HERC3: variants seen among roughly 807,000 people sequenced by gnomAD.
HERC3 encodes the protein probable E3 ubiquitin-protein ligase HERC3.
In HERC3, 58 loss-of-function variants were observed where a neutral mutation model predicts 129.9. The observed-to-expected ratio is 0.45, with a 90% CI of 0.36 to 0.56. The LOEUF (loss-of-function observed/expected upper bound fraction) is 0.56. Among genes scored for constraint, HERC3 ranks in the 20% least tolerant of loss-of-function variants. The probability of loss-of-function intolerance (pLI) is 0.00; values close to 1 mark genes in which losing one functional copy is unlikely to be tolerated. For missense variants in HERC3, 835 were observed against 1,244.2 expected, an observed-to-expected ratio of 0.67 and a Z score of 4.95; for synonymous variants, 430 against 451.0, an observed-to-expected ratio of 0.95 and a Z score of 0.59.
upstream of HERC3, among the ~76,000 whole-genome samples, chr4:88,591,274 A>ATTCTGCT: frequency 6.6e-6 from 1 of 152,186 alleles, no homozygotes; most frequent in African/African-American, 2.4e-5. Flanking sequence ...GATAACTTAG[A>ATTCTGCT]TTCTGCTTTT....
At chr4:88,681,014 G>C in intron 20 of HERC3, 145 bp from the exon 21 acceptor site, 3 of 1,427,696 alleles carry the variant, frequency 2.1e-6, no homozygotes, top group East Asian at 2.5e-5. Flanking sequence ...CTTTTGTCAG[G>C]GTGTTTCTTT....
At chr4:88,545,418 CTTTTGAG>C in the HERC3 span, among the ~76,000 whole-genome samples, 29 of 136,418 alleles carry the variant, frequency 2.1e-4, no homozygotes, top group African/African-American at 8.2e-4. Flanking sequence ...GAAATCTTTC[CTTTTGAG>C]AATTCTTTTT....
chr4:88,667,504 T>G lies in HERC3; in HGVS notation c.1443+16T>G. ...TCTAGAACAGGTATGTTTCTATATT[T>G]GTAAAGTGCATTCTTAAAAATGCAT... On this transcript the variant is annotated intron_variant, in intron 13 of 25. Transcript: ENST00000402738. 3 of 1,364,886 alleles carry G rather than the reference T, an allele frequency of 2.2e-6. No individual in the cohort carries two copies. The highest frequency in any genetic ancestry group is 2.0e-6 in the Non-Finnish European group (2 of 979,134). 84.5% of individuals were successfully genotyped at this position (1,364,886 alleles called of 1,614,324 possible).
At chr4:88,689,035 C>T (rs1234893148) in intron 23 of HERC3, among the ~76,000 whole-genome samples, 4 of 152,116 alleles carry the variant, frequency 2.6e-5, no homozygotes, top group African/African-American at 9.7e-5. Flanking sequence ...AAAAAAGATA[C>T]AGATGTGGAG....
chr4:88,586,289 T>C, the HERC3 span, among the ~76,000 whole-genome samples: 2 of 152,154 alleles, frequency 1.3e-5, no homozygotes, highest in African/African-American at 4.8e-5. Context: ...AGATGTTCAA[T>C]ATATGCTGTT....
chr4:88,573,702 TAA>T, the HERC3 span, among the ~76,000 whole-genome samples: 1 of 151,362 alleles, frequency 6.6e-6, no homozygotes, highest in Admixed American at 6.6e-5. Context: ...GCAGAAAGAG[TAA>T]AAAGAAAGAT....
intron 2 of HERC3, among the ~76,000 whole-genome samples, chr4:88,603,725 G>A (rs999404880): frequency 1.2e-4 from 19 of 152,278 alleles, no homozygotes; most frequent in Non-Finnish European, 2.5e-4. Context: ...TTTCATTTCT[G>A]ATCAAAGCAT....
intron 19 of HERC3, among the ~76,000 whole-genome samples, chr4:88,679,341 CA>C (rs1446336096): frequency 1.3e-5 from 2 of 152,050 alleles, no homozygotes; most frequent in African/African-American, 4.8e-5. Context: ...GCAGTTACTT[CA>C]AGAACCCTAT....
At chr4:88,527,698 A>G in the HERC3 span, 36 of 295,872 alleles carry the variant, frequency 1.2e-4, 1 homozygote, top group South Asian at 1.3e-3. Context: ...CTCCATTATC[A>G]CGGTGGTTGC....
chr4:88,561,358 A>G, the HERC3 span, among the ~76,000 whole-genome samples: 2 of 152,080 alleles, frequency 1.3e-5, no homozygotes, highest in African/African-American at 4.8e-5. Flanking sequence ...TTGTCACTTT[A>G]TTTAATTTAA....
intron 3 of HERC3, among the ~76,000 whole-genome samples, chr4:88,641,257 C>A (rs1037369750): frequency 8.5e-5 from 13 of 152,104 alleles, no homozygotes; most frequent in African/African-American, 3.1e-4. Context: ...ATATTTTGAA[C>A]TGAACGAAAA....
At chr4:88,554,218 C>A in the HERC3 span, among the ~76,000 whole-genome samples, 10 of 151,914 alleles carry the variant, frequency 6.6e-5, no homozygotes, top group Admixed American at 3.9e-4. Context: ...TCGTGGCATG[C>A]GCCAATAGTC....
At chr4:88,548,854 G>A in the HERC3 span, among the ~76,000 whole-genome samples, 1 of 151,814 alleles carries the variant, frequency 6.6e-6, no homozygotes, top group Admixed American at 6.6e-5. Context: ...GTAGAGACAG[G>A]GTTTCACCAT....
chr4:88,694,879 ATGGTTAT>A (rs1053596612), intron 23 of HERC3, among the ~76,000 whole-genome samples: 1 of 152,112 alleles, frequency 6.6e-6, no homozygotes, highest in Non-Finnish European at 1.5e-5. Flanking sequence ...GTGCCTATAA[ATGGTTAT>A]TGGTTTTTGT....
At chr4:88,647,854 G>T (rs1728865842) in intron 3 of HERC3, among the ~76,000 whole-genome samples, 1 of 133,718 alleles carries the variant, frequency 7.5e-6, no homozygotes. Context: ...TAAATAACAT[G>T]CTTATAATAT....
At chr4:88,700,860 T>C (rs974641114) in intron 23 of HERC3, among the ~76,000 whole-genome samples, 9 of 152,294 alleles carry the variant, frequency 5.9e-5, no homozygotes, top group African/African-American at 1.9e-4. Context: ...GGAGAATTCT[T>C]TCCTCTTTGG....
chr4:88,553,217 C>T, the HERC3 span, among the ~76,000 whole-genome samples: 14 of 152,158 alleles, frequency 9.2e-5, no homozygotes, highest in Non-Finnish European at 1.3e-4. Flanking sequence ...CAGAATTCAG[C>T]TGAGTGACAC....
At chr4:88,692,864 C>T in intron 23 of HERC3, 2 of 984,690 alleles carry the variant, frequency 2.0e-6, no homozygotes. Flanking sequence ...GGGGCTAAGG[C>T]TGGGGCTCAA....
chr4:88,697,707 C>G, intron 23 of HERC3: 1 of 1,612,060 alleles, frequency 6.2e-7, no homozygotes, highest in Non-Finnish European at 8.5e-7. Context: ...CCGCCGCTGC[C>G]GCCGCCTGGC....
Sources: gnomAD v4.1 joint callset for allele counts (sites outside exome capture counted in the v4.1 genomes callset) on GRCh38, gnomAD v4.1.1 for gene constraint, MANE v1.5 for transcripts, NCBI Gene and HGNC (gene_info 2026-07-23, HGNC 2026-07-21) for gene names.